The following GRK5 variants were observed in gnomAD, a reference collection of about 807,000 sequenced individuals.
GRK5 encodes the protein g protein-coupled receptor kinase GRK5.
GRK5 carries 40 observed loss-of-function variants against 78.4 expected under a neutral mutation model. That is an observed-to-expected ratio of 0.51 (90% CI 0.40 to 0.66). The LOEUF (loss-of-function observed/expected upper bound fraction) is 0.66, where lower values mean the gene tolerates loss of function less well. Ranked by LOEUF, GRK5 falls within the 30% of genes least tolerant of loss-of-function variation. The probability of loss-of-function intolerance (pLI) is 0.00; values close to 1 mark genes in which losing one functional copy is unlikely to be tolerated. For synonymous variants in GRK5, 289 were observed against 296.8 expected, an observed-to-expected ratio of 0.97 and a Z score of 0.27; for missense variants, 598 against 759.9, an observed-to-expected ratio of 0.79 and a Z score of 2.50.
chr10:119,396,858 G>A, intron 4 of GRK5, 86 bp downstream of exon 4: 1 of 1,016,088 alleles, frequency 9.8e-7, no homozygotes, highest in Non-Finnish European at 1.6e-6. Context: ...CAGGCCACAT[G>A]GGGAGCTGTT....
chr10:119,317,413 C>G (rs1850508708), intron 1 of GRK5, among the ~76,000 whole-genome samples: 1 of 149,968 alleles, frequency 6.7e-6, no homozygotes, highest in African/African-American at 2.5e-5. Flanking sequence ...CTTGAGGTGA[C>G]TTCTGCCCAA....
chr10:119,362,115 T>G (rs1851375027), intron 2 of GRK5, among the ~76,000 whole-genome samples: 1 of 152,118 alleles, frequency 6.6e-6, no homozygotes, highest in African/African-American at 2.4e-5. Flanking sequence ...AAGAATAAAG[T>G]CAGTTCTTAG....
chr10:119,373,037 G>A (rs1851570648), intron 2 of GRK5, among the ~76,000 whole-genome samples: 1 of 152,254 alleles, frequency 6.6e-6, no homozygotes, highest in South Asian at 2.1e-4. Context: ...ATTCGTTGTG[G>A]CTGTAGCATC....
intron 1 of GRK5, among the ~76,000 whole-genome samples, chr10:119,250,234 G>A (rs1484869033): frequency 6.6e-6 from 1 of 152,140 alleles, no homozygotes; most frequent in African/African-American, 2.4e-5. Flanking sequence ...AAGAAACTGA[G>A]GGGCTCAGAG....
At chr10:119,386,954 C>T (rs886511575) in intron 3 of GRK5, among the ~76,000 whole-genome samples, 2 of 152,162 alleles carry the variant, frequency 1.3e-5, no homozygotes, top group African/African-American at 2.4e-5. Context: ...ATAACCTGTC[C>T]TCGTTGGACT....
At chr10:119,220,627 G>C (rs1426210221) in intron 1 of GRK5, among the ~76,000 whole-genome samples, 1 of 151,904 alleles carries the variant, frequency 6.6e-6, no homozygotes, top group African/African-American at 2.4e-5. Flanking sequence ...CTGAGGTCAG[G>C]AGTTTGAGAC....
At chr10:119,345,300 G>A (rs182804941) in intron 2 of GRK5, among the ~76,000 whole-genome samples, 1 of 152,296 alleles carries the variant, frequency 6.6e-6, no homozygotes, top group Non-Finnish European at 1.5e-5. Context: ...TGGCAGGTCA[G>A]CAGGTTTTGT....
intron 1 of GRK5, among the ~76,000 whole-genome samples, chr10:119,210,026 G>T (rs938034514): frequency 4.6e-5 from 7 of 152,128 alleles, no homozygotes; most frequent in Non-Finnish European, 5.9e-5. Flanking sequence ...AACAAATTGG[G>T]TTTTTTTCCC....
At chr10:119,257,101 G>A (rs1475144087) in intron 1 of GRK5, among the ~76,000 whole-genome samples, 1 of 152,230 alleles carries the variant, frequency 6.6e-6, no homozygotes, top group Non-Finnish European at 1.5e-5. Flanking sequence ...TCCATTGGAT[G>A]GATGTACCAC....
At chr10:119,444,193 G>A (rs1267014364) in intron 12 of GRK5, among the ~76,000 whole-genome samples, 1 of 152,124 alleles carries the variant, frequency 6.6e-6, no homozygotes, top group Admixed American at 6.5e-5. Context: ...CAGGGGGTGG[G>A]GGCGACGATT....
In GRK5 at chr10:119,427,611, TCACTGC is replaced by T. The variant is rs1201818752; in HGVS notation, c.533+2529_533+2534del. Among the ~76,000 whole-genome samples the T allele has an allele frequency of 5.1e-4, 77 of 151,844 alleles. 6 individuals carry two copies. Among genetic ancestry groups the T allele is most frequent in the East Asian group, 4.1e-3 (21 of 5,152 alleles). On this transcript the variant is annotated intron_variant, in intron 6 of 15. Coordinates refer to ENST00000392870, the MANE Select transcript of GRK5 (RefSeq NM_005308.3). Reference sequence around the variant, plus strand: ...ATCAGCATCATCACCATCATCAGCATCACTGCCATCATCAGCATCACTGCTATCATC... The same window carrying T: ...ATCAGCATCATCACCATCATCAGCATCATCATCAGCATCACTGCTATCATC...
chr10:119,240,008 A>G (rs1296688661), intron 1 of GRK5, among the ~76,000 whole-genome samples: 1 of 152,056 alleles, frequency 6.6e-6, no homozygotes, highest in Non-Finnish European at 1.5e-5. Flanking sequence ...TAGTAGAATA[A>G]TTTATAATCC....
chr10:119,428,692 A>T (rs554224007), intron 6 of GRK5, among the ~76,000 whole-genome samples: 7 of 152,078 alleles, frequency 4.6e-5, no homozygotes, highest in Non-Finnish European at 1.0e-4. Flanking sequence ...AAACACATGA[A>T]ATGGAGAAAT....
chr10:119,400,834 G>A (rs1432876088), intron 4 of GRK5, among the ~76,000 whole-genome samples: 1 of 152,242 alleles, frequency 6.6e-6, no homozygotes, highest in Non-Finnish European at 1.5e-5. Context: ...CCTTGGGGAT[G>A]GGGAGGAACA....
chr10:119,423,818 TACAC>T (rs1344988268), intron 5 of GRK5, among the ~76,000 whole-genome samples: 7 of 150,272 alleles, frequency 4.7e-5, no homozygotes, highest in East Asian at 1.9e-4. Flanking sequence ...CACACACACA[TACAC>T]ACACACAGGC....
chr10:119,332,862 CA>C (rs1850806867), intron 2 of GRK5, among the ~76,000 whole-genome samples: 2 of 152,202 alleles, frequency 1.3e-5, no homozygotes, highest in Non-Finnish European at 2.9e-5. Context: ...GGTCTCAGTC[CA>C]AATATCATCT....
rs868710205 is a variant in GRK5 at position 119,445,548 on chromosome 10, T to C, written c.1266+1796T>C. Among the ~76,000 whole-genome samples, 1 of 152,154 alleles carries C rather than the reference T, an allele frequency of 6.6e-6. No individual in the cohort carries two copies. Among genetic ancestry groups the C allele is most frequent in the Non-Finnish European group, 1.5e-5 (1 of 68,016 alleles). ...CCCTGGTGGACACTGAGAGAAAGCC[T>C]GCTGCTCCCGGAGGACCTGTCCCGT... is the stretch of plus-strand genomic sequence containing the variant. On this transcript the variant is annotated intron_variant, in intron 12 of 15. Coordinates refer to ENST00000392870, the MANE Select transcript of GRK5 (RefSeq NM_005308.3). The surrounding 1 kb of genome is among the most constrained non-coding windows in gnomAD (Gnocchi z 4.1).
rs1853132468 is a variant in GRK5 at position 119,445,687 on chromosome 10, C to T, written c.1266+1935C>T. Among the ~76,000 whole-genome samples, 1 of 152,214 alleles carries T rather than the reference C, an allele frequency of 6.6e-6. No individual in the cohort carries two copies. Among genetic ancestry groups the T allele is most frequent in the African/African-American group, 2.4e-5 (1 of 41,452 alleles). On this transcript the variant is annotated intron_variant, in intron 12 of 15. Transcript: ENST00000392870. This position sits in a 1 kb window ranked among gnomAD's most constrained non-coding sequence, Gnocchi z 4.1. ...GCCTCCTTCACGCCCTTGACTGCAG[C>T]ATCTCCGGCATCTAGGCCTACCTTG...
intron 1 of GRK5, among the ~76,000 whole-genome samples, chr10:119,222,387 G>A (rs1263878821): frequency 1.3e-5 from 2 of 152,046 alleles, no homozygotes; most frequent in Admixed American, 1.3e-4. Context: ...TCCAAGTGCT[G>A]CCTGTGCTGG....
Sources: gnomAD v4.1 joint callset for allele counts (sites outside exome capture counted in the v4.1 genomes callset) on GRCh38, gnomAD v4.1.1 for gene constraint, Gnocchi (gnomAD v3.1) non-coding constraint, MANE v1.5 for transcripts, NCBI Gene and HGNC (gene_info 2026-07-23, HGNC 2026-07-21) for gene names.